Variants in CLK3 observed in about 807,000 individuals in gnomAD.
CLK3 encodes the protein CDC like kinase 3.
In CLK3, 24 loss-of-function variants were observed where a neutral mutation model predicts 65.2. The ratio of observed to expected loss-of-function variants is 0.37; its 90% confidence interval spans 0.27 to 0.52. CLK3 has a LOEUF of 0.52. Ranked by LOEUF, CLK3 falls within the 20% of genes least tolerant of loss-of-function variation. The pLI is 0.92. For synonymous variants in CLK3, 252 were observed against 240.8 expected (o/e 1.05, Z -0.43); for missense variants, 506 against 660.0 (o/e 0.77, Z 2.56).
At chr15:74,619,483 TC>T in intron 2 of CLK3, 135 bp downstream of exon 2, 1 of 888,352 alleles carries the variant, frequency 1.1e-6, no homozygotes, top group Non-Finnish European at 1.7e-6. Flanking sequence ...TTTGGGCTCC[TC>T]CACTAACCTC....
At chr15:74,628,704 C>A in intron 11 of CLK3, 21 bp downstream of exon 11, 22 of 1,598,428 alleles carry the variant, frequency 1.4e-5, no homozygotes, top group Non-Finnish European at 1.8e-5. Flanking sequence ...CAGTAGCCCC[C>A]TCAGGGTTGG....
At chr15:74,615,314 C>G, upstream of CLK3, 5 of 788,274 alleles carry the variant, frequency 6.3e-6, no homozygotes, top group Non-Finnish European at 6.9e-6. Flanking sequence ...GGAGCGCCAC[C>G]ACGGCTTTCA....
At chr15:74,628,451 A>G (rs1596291838) in intron 10 of CLK3, 153 bp from the exon 11 acceptor site, 2 of 600,096 alleles carry the variant, frequency 3.3e-6, no homozygotes, top group Non-Finnish European at 6.0e-6. Flanking sequence ...GCCTAGGCAC[A>G]GGCTGGCAGG....
chr15:74,609,452 T>C (rs936279455), intron 1 of CLK3, among the ~76,000 whole-genome samples: 4 of 152,230 alleles, frequency 2.6e-5, no homozygotes, highest in African/African-American at 9.6e-5. Context: ...TCTGTGCCCC[T>C]AGAGCCCCTT....
intron 3 of CLK3, chr15:74,620,769 T>G (rs2062095572): frequency 6.5e-6 from 1 of 153,488 alleles, no homozygotes; most frequent in Non-Finnish European, 1.5e-5. Flanking sequence ...GAACTTCCCT[T>G]CTGATCTCCA....
Position 74,627,896 on chromosome 15 carries a change from G to C in CLK3, c.1043-74G>C. On this transcript the variant is annotated intron_variant, in intron 9 of 12. Coordinates refer to ENST00000395066, the MANE Select transcript of CLK3 (RefSeq NM_001130028.2). The surrounding 1 kb of genome is among the most constrained non-coding windows in gnomAD (Gnocchi z 4.3). ...GGGCAAGAGTCCTGCCAGCCGGTGT[G>C]GTGGCTGCCTTGTGACTTCCAGGCT... is the stretch of plus-strand genomic sequence containing the variant. 1 of 1,293,426 alleles carries C rather than the reference G, an allele frequency of 7.7e-7. No individual in the cohort carries two copies. Among genetic ancestry groups the C allele is most frequent in the Non-Finnish European group, 1.1e-6 (1 of 890,632 alleles). 80.1% of individuals were successfully genotyped at this position (1,293,426 alleles called of 1,614,324 possible).
intron 1 of CLK3, among the ~76,000 whole-genome samples, chr15:74,618,701 C>G (rs1488292874): frequency 6.6e-6 from 1 of 152,244 alleles, no homozygotes; most frequent in Non-Finnish European, 1.5e-5. Flanking sequence ...GGGCCCTAGC[C>G]AGACAGCGTT....
chr15:74,629,920 G>A lies in CLK3; in HGVS notation c.*37G>A, dbSNP rs367850444. 505 of 1,569,578 alleles carry A rather than the reference G, an allele frequency of 3.2e-4. 4 individuals carry two copies. In the African/African-American group the frequency reaches 4.7e-3, roughly 14 times the overall value. The stretch of plus-strand genomic sequence containing the variant: ...CACCGCATGAGGAGATGGAGGGCGG[G>A]ACTGGGCCGCCCAGCCCCTTGACTC... On this transcript the variant is annotated 3_prime_UTR_variant, in exon 13 of 13. Coordinates refer to ENST00000395066, the MANE Select transcript of CLK3 (RefSeq NM_001130028.2).
chr15:74,628,616 C>G lies in CLK3; in HGVS notation c.1138C>G (p.Arg380Gly), dbSNP rs186060207. Residue 380 changes from arginine to glycine, a missense_variant, in exon 11 of 13, where the codon CGA (arginine) becomes GGA (glycine). Transcript: ENST00000395066. ...GFTLFQTHEN[R>G]EHLVMMEKIL... Reference sequence around the variant, plus strand: ...TAATCTTCCACAGACCCACGAAAACCGAGAGCACCTGGTGATGATGGAGAA... The same window carrying G: ...TAATCTTCCACAGACCCACGAAAACGGAGAGCACCTGGTGATGATGGAGAA... The G allele has an allele frequency of 1.2e-6, 2 of 1,613,424 alleles. No individual in the cohort carries two copies.
chr15:74,625,598 C>T (rs1189734677), intron 6 of CLK3, among the ~76,000 whole-genome samples: 2 of 152,144 alleles, frequency 1.3e-5, no homozygotes, highest in African/African-American at 2.4e-5. Context: ...GAAGCTTAGT[C>T]CTTGCCCAGA....
upstream of CLK3, chr15:74,615,809 G>C: frequency 8.0e-6 from 10 of 1,245,776 alleles, no homozygotes; most frequent in Non-Finnish European, 1.0e-5. Context: ...CGAGGGGGCG[G>C]GGCTGCCACG....
intron 6 of CLK3, among the ~76,000 whole-genome samples, chr15:74,625,465 G>A (rs2062137200): frequency 6.6e-6 from 1 of 152,174 alleles, no homozygotes; most frequent in African/African-American, 2.4e-5. Context: ...CAGTCCTGCG[G>A]AGTGCACTAG....
At position 74,619,274 on chromosome 15, in the gene CLK3, C is replaced by T. The variant is rs764459718; in HGVS notation, c.78C>T (p.Tyr26=). The T allele has an allele frequency of 3.7e-6, 6 of 1,614,198 alleles. No individual in the cohort carries two copies. Among genetic ancestry groups the T allele is most frequent in the Non-Finnish European group, 4.2e-6 (5 of 1,180,030 alleles). ...ACCGATGGAAGAGGAGGAGGTCCTA[C>T]AGTCGGGAACATGAAGGGAGACTGC... is the stretch of plus-strand genomic sequence containing the variant. ...LSYRWKRRRS[Y]SREHEGRLRY... The change falls in exon 2 of 13, where the codon TAC becomes TAT. Residue 26 remains tyrosine (Y), a synonymous_variant. Transcript: ENST00000395066.
chr15:74,616,786 C>T (rs1423177882), intron 1 of CLK3, among the ~76,000 whole-genome samples: 1 of 152,236 alleles, frequency 6.6e-6, no homozygotes, highest in Non-Finnish European at 1.5e-5. Context: ...CAGCCGCTGA[C>T]CTGGCTGGCT....
chr15:74,619,413 C>T, intron 2 of CLK3, 65 bp downstream of exon 2: 1 of 1,569,988 alleles, frequency 6.4e-7, no homozygotes, highest in Non-Finnish European at 8.7e-7. Flanking sequence ...GTGGCAGCTC[C>T]AGACTCCTTG....
chr15:74,629,314 TCTC>T (rs768777386), intron 12 of CLK3: 25 of 553,616 alleles, frequency 4.5e-5, no homozygotes, highest in South Asian at 1.6e-4. Context: ...TGTCCCTCTC[TCTC>T]CTCGAAATTT....
chr15:74,626,023 A>G, intron 7 of CLK3, 55 bp downstream of exon 7: 2 of 1,583,886 alleles, frequency 1.3e-6, no homozygotes, highest in South Asian at 1.1e-5. Context: ...CAGCCAAGTC[A>G]TCTGGTTACT....
At chr15:74,625,047 G>T in intron 6 of CLK3, 29 bp downstream of exon 6, 2 of 1,471,484 alleles carry the variant, frequency 1.4e-6, no homozygotes, top group South Asian at 2.3e-5. Context: ...TGGGAGGGAA[G>T]CCTTCAGTGG....
chr15:74,615,789 C>A (rs777276424), upstream of CLK3: 2 of 1,243,744 alleles, frequency 1.6e-6, no homozygotes, highest in African/African-American at 1.6e-5. Flanking sequence ...CTGGCGACGG[C>A]TGCGTCACGC....
Sources: allele counts gnomAD v4.1 joint callset (sites outside exome capture counted in the v4.1 genomes callset), GRCh38; gene constraint gnomAD v4.1.1; non-coding constraint Gnocchi (gnomAD v3.1); transcripts MANE v1.5; gene names NCBI Gene and HGNC (gene_info 2026-07-23, HGNC 2026-07-21).